SGCA: variants seen among roughly 807,000 people sequenced by gnomAD.
SGCA encodes sarcoglycan alpha.
In SGCA, 34 loss-of-function variants were observed where a neutral mutation model predicts 38.1. The ratio of observed to expected loss-of-function variants is 0.89; its 90% CI spans 0.68 to 1.19. SGCA has a LOEUF of 1.19. SGCA is among the 50% of genes most tolerant of loss of function. The pLI is 0.00. For synonymous variants in SGCA, 209 were observed against 214.6 expected, an observed-to-expected ratio of 0.97 and a Z score of 0.23; for missense variants, 476 against 524.9, an observed-to-expected ratio of 0.91 and a Z score of 0.91.
chr17:50,166,620 G>T (rs1904824503), intron 1 of SGCA, among the ~76,000 whole-genome samples: 2 of 151,630 alleles, frequency 1.3e-5, no homozygotes, highest in Non-Finnish European at 2.9e-5. Context: ...TGGGCATTTA[G>T]CATGGGATTC....
In SGCA at chr17:50,170,164, C is replaced by G. The variant is rs1905252169; in HGVS notation, c.769C>G (p.Pro257Ala). The change falls in exon 7 of 10, where the codon CCT (proline) becomes GCT (alanine). Residue 257 changes from proline (P) to alanine (A), a missense_variant. Coordinates refer to ENST00000262018, the MANE Select transcript of SGCA (RefSeq NM_000023.4). ...GCAGGTGGATAAGTCAGTGCCGGAG[C>G]CTGCAGATGAGGTGCCCACCCCAGG... is the stretch of plus-strand genomic sequence containing the variant. ...VTLVDKSVPEPADEVPTPGDG... is the reference protein window; with the variant it reads ...VTLVDKSVPEAADEVPTPGDG... The G allele has an allele frequency of 6.2e-7, 1 of 1,614,030 alleles. No homozygotes were observed.
rs770468219 is a variant in SGCA at position 50,169,274 on chromosome 17, C to G, written c.747+20C>G. On this transcript the variant is annotated intron_variant, in intron 6 of 9. Coordinates refer to ENST00000262018, the MANE Select transcript of SGCA (RefSeq NM_000023.4). ...ACCCTGGTGAGGAGGGACCCTGGGTCCGGGGGTGGGGTGGGGCATGGCCCC... is the reference window on the plus strand; with the variant it reads ...ACCCTGGTGAGGAGGGACCCTGGGTGCGGGGGTGGGGTGGGGCATGGCCCC... 1 of 1,601,184 alleles carries G rather than the reference C, an allele frequency of 6.2e-7. No homozygotes were observed. Among genetic ancestry groups the G allele is most frequent in the African/African-American group, 1.3e-5 (1 of 74,710 alleles).
chr17:50,167,299 G>A lies in SGCA; in HGVS notation c.38-69G>A. The stretch of plus-strand genomic sequence containing the variant: ...TTAGGGGCTCCAAGGACTTGGTGGG[G>A]AAGGGAGCTTATCCCCTGCCCAGGA... On this transcript the variant is annotated intron_variant, in intron 1 of 9. Transcript: ENST00000262018. This position sits in a 1 kb window ranked among gnomAD's most constrained non-coding sequence, Gnocchi z 4.5. 1 of 1,608,180 alleles carries A rather than the reference G, an allele frequency of 6.2e-7. No individual in the cohort carries two copies. The highest frequency in any genetic ancestry group is 1.1e-5 in the South Asian group (1 of 90,622).
At chr17:50,172,232 C>CT (rs1567744366) in intron 8 of SGCA, 1 of 457,076 alleles carries the variant, frequency 2.2e-6, no homozygotes, top group African/African-American at 2.0e-5. Flanking sequence ...CCTCCACAGA[C>CT]TTGTGCTCTT....
rs201937845 is a variant in SGCA, at chr17:50,167,555, C to G, written c.158-27C>G. On this transcript the variant is annotated intron_variant, in intron 2 of 9. Coordinates refer to ENST00000262018, the MANE Select transcript of SGCA (RefSeq NM_000023.4). This position sits in a 1 kb window ranked among gnomAD's most constrained non-coding sequence, Gnocchi z 4.5. The stretch of plus-strand genomic sequence containing the variant: ...ACCCCGCAGGGCTCCTGCTGTGACT[C>G]GAATCCCCTCTCCTCGCTTCCACCA... The G allele has an allele frequency of 9.3e-4, 1,499 of 1,613,780 alleles. No individual in the cohort carries two copies. Among genetic ancestry groups the G allele is most frequent in the Non-Finnish European group, 1.2e-3 (1,444 of 1,179,996 alleles).
chr17:50,167,216 C>G lies in SGCA; in HGVS notation c.38-152C>G, dbSNP rs905323157. 15 of 1,096,216 alleles carry G rather than the reference C, an allele frequency of 1.4e-5. 1 individual carries two copies. In the South Asian group the frequency reaches 2.1e-4, roughly 15 times the overall value. The allele number at this position is 1,096,216 out of a possible 1,614,324, so 67.9% of individuals were successfully genotyped here. A position where few individuals can be genotyped will look rare whatever the true frequency, so the allele number is the denominator to read the frequency against. On this transcript the variant is annotated intron_variant, in intron 1 of 9. Transcript: ENST00000262018. The surrounding 1 kb of genome is among the most constrained non-coding windows in gnomAD (Gnocchi z 4.5). ...GTCTAGCCCAGCAGGGCTTGCTCCCCCATCCCCACCCCAATCCCTTCCTGG... is the reference window on the plus strand; with the variant it reads ...GTCTAGCCCAGCAGGGCTTGCTCCCGCATCCCCACCCCAATCCCTTCCTGG...
rs141302696 is a variant in SGCA at position 50,169,887 on chromosome 17, G to A, written c.748-256G>A. ...TATTTTATGCTCACCACCACTCCAGGAGACAGGTGCTACTATTATCCTTCT... is the reference window on the plus strand; with the variant it reads ...TATTTTATGCTCACCACCACTCCAGAAGACAGGTGCTACTATTATCCTTCT... On this transcript the variant is annotated intron_variant, in intron 6 of 9. Coordinates refer to ENST00000262018, the MANE Select transcript of SGCA (RefSeq NM_000023.4). The A allele has an allele frequency of 1.1e-3, 636 of 583,308 alleles. 6 individuals carry two copies. The East Asian group carries it at 0.018, about 17-fold the overall frequency. 36.1% of individuals were successfully genotyped at this position (583,308 alleles called of 1,614,324 possible).
chr17:50,167,515 G>A lies in SGCA; in HGVS notation c.157+28G>A, dbSNP rs1449880027. The A allele has an allele frequency of 6.2e-7, 1 of 1,614,110 alleles. No homozygotes were observed. Among genetic ancestry groups the A allele is most frequent in the Non-Finnish European group, 8.5e-7 (1 of 1,180,002 alleles). On this transcript the variant is annotated intron_variant, in intron 2 of 9. Transcript: ENST00000262018. The surrounding 1 kb of genome is among the most constrained non-coding windows in gnomAD (Gnocchi z 4.5). ...GAGCGGCCTGACAGGCACCCAGGCG[G>A]GCGGGCTGGGGTGTACCCCGCAGGG...
Position 50,167,876 on chromosome 17 carries a change from C to T in SGCA, c.313-71C>T. On this transcript the variant is annotated intron_variant, in intron 3 of 9. Transcript: ENST00000262018. The surrounding 1 kb of genome is among the most constrained non-coding windows in gnomAD (Gnocchi z 4.5). ...ACCTCTAATTTGGTATCTGAGTCCTCTCCTGCCAGGCCCCCGCTGTGCCAC... is the reference window on the plus strand; with the variant it reads ...ACCTCTAATTTGGTATCTGAGTCCTTTCCTGCCAGGCCCCCGCTGTGCCAC... The T allele has an allele frequency of 2.6e-6, 4 of 1,549,902 alleles. No individual in the cohort carries two copies. The highest frequency in any genetic ancestry group is 3.6e-6 in the Non-Finnish European group (4 of 1,121,520).
Position 50,167,475 on chromosome 17 carries a change from C to T in SGCA, c.145C>T (p.Pro49Ser), listed in dbSNP as rs1461861588. ...GGACCATGAGACGTTTCTGAGCCTT[C>T]CTGAGCATGTCGGTGAGCGGCCTGA... ...TLDHETFLSL[P>S]EHVAVPPAVH... Residue 49 changes from proline (P) to serine (S), a missense_variant, in exon 2 of 10, where the codon CCT (proline) becomes TCT (serine). Coordinates refer to ENST00000262018, the MANE Select transcript of SGCA (RefSeq NM_000023.4). The surrounding 1 kb of genome is among the most constrained non-coding windows in gnomAD (Gnocchi z 4.5). 4 of 1,614,184 alleles carry T rather than the reference C, an allele frequency of 2.5e-6. No homozygotes were observed. The highest frequency in any genetic ancestry group is 1.1e-5 in the South Asian group (1 of 91,084).
Position 50,170,285 on chromosome 17 carries a change from C to G in SGCA, c.890C>G (p.Pro297Arg). The change falls in exon 7 of 10, where the codon CCC becomes CGC. Residue 297 changes from proline (P) to arginine (R), a missense_variant. By Grantham distance (103) the Pro-to-Arg change is moderately radical. Coordinates refer to ENST00000262018, the MANE Select transcript of SGCA (RefSeq NM_000023.4). Reference protein sequence around the residue: ...LVDALVTLLVPLLVALLLTLL... With the variant: ...LVDALVTLLVRLLVALLLTLL... Reference sequence around the variant, plus strand: ...GATGCTCTGGTCACCCTCCTGGTGCCCCTGCTGGTGGCCCTGCTTCTCACC... The same window carrying G: ...GATGCTCTGGTCACCCTCCTGGTGCGCCTGCTGGTGGCCCTGCTTCTCACC... The G allele has an allele frequency of 6.2e-7, 1 of 1,614,226 alleles. No homozygotes were observed. The highest frequency in any genetic ancestry group is 8.5e-7 in the Non-Finnish European group (1 of 1,180,034).
chr17:50,170,143 G>T lies in SGCA; in HGVS notation c.748G>T (p.Val250Leu), dbSNP rs1473539605. The change falls in exon 7 of 10, where the codon GTG (valine) becomes TTG (leucine). Residue 250 changes from valine (V) to leucine (L), a missense_variant and splice_region_variant. Transcript: ENST00000262018. The stretch of plus-strand genomic sequence containing the variant: ...CGTCAGCCCTGAGCTCTCTGTGCAG[G>T]TGGATAAGTCAGTGCCGGAGCCTGC... ...FRVDWCNVTL[V>L]DKSVPEPADE... The T allele has an allele frequency of 6.2e-7, 1 of 1,613,946 alleles. No individual in the cohort carries two copies. The highest frequency in any genetic ancestry group is 8.5e-7 in the Non-Finnish European group (1 of 1,179,862).
rs1451479850 is a variant in SGCA, at chr17:50,169,059, A to C, written c.585-33A>C. 10 of 1,610,406 alleles carry C rather than the reference A, an allele frequency of 6.2e-6. No individual in the cohort carries two copies. In the African/African-American group the frequency reaches 1.3e-4, roughly 22 times the overall value. On this transcript the variant is annotated intron_variant, in intron 5 of 9. Transcript: ENST00000262018. ...GTGGTGCCTCGTGCCCCCTGCCCCC[A>C]CTCTGCTGACAGTGACTTCTATCTG...
rs972038118 is a variant in SGCA, at chr17:50,170,684, G to A, written c.983+18G>A. 1.9e-6 allele frequency: 3 copies of A among 1,556,566 alleles called. No individual in the cohort carries two copies. Among genetic ancestry groups the A allele is most frequent in the African/African-American group, 2.7e-5 (2 of 73,446 alleles). The stretch of plus-strand genomic sequence containing the variant: ...ACCTCCGAGTGAGTAAAGGAAAGCT[G>A]GGGGTGGGGTGGGAGCCCACCTAGA... On this transcript the variant is annotated intron_variant, in intron 8 of 9. Transcript: ENST00000262018.
At chr17:50,170,731 A>G (rs1406481061) in intron 8 of SGCA, 65 bp downstream of exon 8, 9 of 1,305,794 alleles carry the variant, frequency 6.9e-6, no homozygotes, top group Non-Finnish European at 8.7e-6. Context: ...CCCCGCCACC[A>G]AACTATGCCA....
At chr17:50,166,284 A>G in intron 1 of SGCA, 2 of 608,958 alleles carry the variant, frequency 3.3e-6, no homozygotes. Context: ...AGGGGCTGGG[A>G]GCTCTGAGGG....
chr17:50,171,197 G>A (rs1454268869), intron 8 of SGCA, among the ~76,000 whole-genome samples: 1 of 152,216 alleles, frequency 6.6e-6, no homozygotes, highest in Admixed American at 6.5e-5. Context: ...GCCAGGCTCT[G>A]CCACACAATT....
intron 8 of SGCA, among the ~76,000 whole-genome samples, chr17:50,174,286 A>T (rs1429659752): frequency 2.0e-5 from 3 of 152,178 alleles, no homozygotes; most frequent in African/African-American, 7.2e-5. Context: ...GTGCCACTGC[A>T]CTGAAGTTGG....
In SGCA at chr17:50,175,019, A is replaced by C. The variant is rs1030917587; in HGVS notation, c.984-238A>C. 1.5e-4 allele frequency among the ~76,000 whole-genome samples: 23 copies of C among 151,208 alleles called. 1 individual carries two copies. Among genetic ancestry groups the C allele is most frequent in the Admixed American group, 1.4e-3 (22 of 15,198 alleles). ...ACCGTGTTGGCCAGGCTGGTCTCGA[A>C]CTCCTGACCTCAAGTGATCTGCCTG... On this transcript the variant is annotated intron_variant, in intron 8 of 9. Coordinates refer to ENST00000262018, the MANE Select transcript of SGCA (RefSeq NM_000023.4).
Sources: gnomAD v4.1 joint callset for allele counts (sites outside exome capture counted in the v4.1 genomes callset) on GRCh38, gnomAD v4.1.1 for gene constraint, Gnocchi (gnomAD v3.1) non-coding constraint, MANE v1.5 for transcripts, NCBI Gene and HGNC (gene_info 2026-07-23, HGNC 2026-07-21) for gene names.